The following CCDC171 variants were observed in gnomAD, a reference collection of about 807,000 sequenced individuals.
CCDC171 encodes coiled-coil domain-containing protein 171.
CCDC171 carries 177 observed loss-of-function variants against 168.2 expected under a neutral mutation model. The ratio of observed to expected loss-of-function variants is 1.05; its 90% CI spans 0.93 to 1.19. The LOEUF (loss-of-function observed/expected upper bound fraction) is 1.19, where lower values mean the gene tolerates loss of function less well. CCDC171 is among the 50% of genes most tolerant of loss of function. CCDC171 has a pLI of 0.00. For synonymous variants in CCDC171, 687 were observed against 540.8 expected, an observed-to-expected ratio of 1.27 and a Z score of -3.75; for missense variants, 1,991 against 1,539.0, an observed-to-expected ratio of 1.29 and a Z score of -4.91.
chr9:15,988,155 C>T (rs1043943980), intron 3 of CCDC171, among the ~76,000 whole-genome samples: 1 of 152,156 alleles, frequency 6.6e-6, no homozygotes, highest in Admixed American at 6.5e-5. Context: ...GTAGCATCAC[C>T]AGGATACTGT....
intron 19 of CCDC171, among the ~76,000 whole-genome samples, chr9:15,778,472 C>G (rs534940788): frequency 6.6e-6 from 1 of 151,550 alleles, no homozygotes; most frequent in Non-Finnish European, 1.5e-5. Flanking sequence ...AACCCCGCCT[C>G]TACCAAAAAT....
At chr9:16,002,839 C>A (rs2132954222) in intron 3 of CCDC171, among the ~76,000 whole-genome samples, 1 of 152,248 alleles carries the variant, frequency 6.6e-6, no homozygotes, top group African/African-American at 2.4e-5. Context: ...TGTTGAGATA[C>A]AGAAATACTG....
chr9:15,645,971 A>AT (rs1487836916), intron 7 of CCDC171, among the ~76,000 whole-genome samples: 1 of 152,166 alleles, frequency 6.6e-6, no homozygotes, highest in African/African-American at 2.4e-5. Flanking sequence ...TGAAATGAAG[A>AT]TAAAAATGTT....
chr9:16,091,284 C>T, the CCDC171 span, among the ~76,000 whole-genome samples: 2 of 152,204 alleles, frequency 1.3e-5, no homozygotes, highest in African/African-American at 4.8e-5. Context: ...TCTCCACCCT[C>T]ACCCCACACT....
intron 3 of CCDC171, among the ~76,000 whole-genome samples, chr9:15,574,389 C>T (rs1157560044): frequency 6.6e-6 from 1 of 151,992 alleles, no homozygotes; most frequent in Non-Finnish European, 1.5e-5. Context: ...GTGATCCACC[C>T]GCCTTGGCCT....
At chr9:16,058,434 C>T (rs1833878243) in intron 1 of CCDC171, among the ~76,000 whole-genome samples, 2 of 152,148 alleles carry the variant, frequency 1.3e-5, no homozygotes, top group Admixed American at 6.6e-5. Context: ...GGTATCCTCG[C>T]CGGCGTGCAC....
At chr9:15,776,880 T>G (rs189785499) in intron 18 of CCDC171, among the ~76,000 whole-genome samples, 2 of 152,352 alleles carry the variant, frequency 1.3e-5, no homozygotes, top group East Asian at 3.9e-4. Context: ...AAATAATCTT[T>G]CTGTGCTTGT....
intron 18 of CCDC171, among the ~76,000 whole-genome samples, chr9:15,759,849 T>C (rs75235062): frequency 0.011 from 1,635 of 152,312 alleles, 19 homozygotes; most frequent in South Asian, 0.038. Context: ...AATATTTAAT[T>C]ATTTGTATAT....
intron 21 of CCDC171, among the ~76,000 whole-genome samples, chr9:15,807,870 A>G (rs901919482): frequency 6.6e-6 from 1 of 151,238 alleles, no homozygotes; most frequent in African/African-American, 2.4e-5. Context: ...TTCTTGCTCC[A>G]TGGTCCAAAA....
At chr9:16,036,361 T>C (rs1833467951) in intron 8 of CCDC171, among the ~76,000 whole-genome samples, 1 of 152,176 alleles carries the variant, frequency 6.6e-6, no homozygotes, top group Non-Finnish European at 1.5e-5. Flanking sequence ...AAGAAATTTC[T>C]TGGCCGGGCA....
At chr9:15,877,534 C>CT (rs1409407209) in intron 24 of CCDC171, among the ~76,000 whole-genome samples, 1 of 152,012 alleles carries the variant, frequency 6.6e-6, no homozygotes, top group Non-Finnish European at 1.5e-5. Flanking sequence ...TTCTTATTTA[C>CT]TTTTCCATGG....
At chr9:15,815,056 A>G (rs1301795042) in intron 21 of CCDC171, among the ~76,000 whole-genome samples, 1 of 152,228 alleles carries the variant, frequency 6.6e-6, no homozygotes, top group East Asian at 1.9e-4. Flanking sequence ...AGATTTATTC[A>G]CAGTAAGAGT....
At chr9:15,865,964 A>T (rs2061768566) in intron 23 of CCDC171, among the ~76,000 whole-genome samples, 1 of 151,972 alleles carries the variant, frequency 6.6e-6, no homozygotes, top group Admixed American at 6.6e-5. Flanking sequence ...AAGAAAACTA[A>T]TGCCTGGGTG....
intron 6 of CCDC171, among the ~76,000 whole-genome samples, chr9:15,595,295 C>A (rs556990675): frequency 6.6e-6 from 1 of 152,190 alleles, no homozygotes; most frequent in Non-Finnish European, 1.5e-5. Context: ...CTATCCCTCC[C>A]CGCTCCCCTG....
intron 18 of CCDC171, among the ~76,000 whole-genome samples, chr9:15,755,989 A>G (rs2134970827): frequency 6.6e-6 from 1 of 152,362 alleles, no homozygotes; most frequent in East Asian, 1.9e-4. Context: ...ACAGATGTGA[A>G]GAGATGTGGC....
At chr9:15,908,944 G>A (rs1397013802) in intron 24 of CCDC171, among the ~76,000 whole-genome samples, 1 of 152,106 alleles carries the variant, frequency 6.6e-6, no homozygotes, top group African/African-American at 2.4e-5. Flanking sequence ...ATGAGACTTG[G>A]GTGGGGACAT....
intron 21 of CCDC171, among the ~76,000 whole-genome samples, chr9:15,823,847 TAGA>T (rs748122583): frequency 7.9e-5 from 12 of 152,140 alleles, no homozygotes; most frequent in Non-Finnish European, 1.6e-4. Context: ...CTTTGTATAT[TAGA>T]AGAAGATTTA....
intron 21 of CCDC171, among the ~76,000 whole-genome samples, chr9:15,804,978 C>G (rs1588607695): frequency 1.3e-5 from 2 of 152,102 alleles, no homozygotes; most frequent in East Asian, 3.9e-4. Flanking sequence ...CTGTTTCAGT[C>G]TTGGGAGGGT....
At chr9:15,623,468 C>CGCGCGCGT in intron 7 of CCDC171, 55 bp downstream of exon 7, 2 of 739,974 alleles carry the variant, frequency 2.7e-6, no homozygotes, top group Admixed American at 3.3e-5. Flanking sequence ...CACATATGCG[C>CGCGCGCGT]GCGCGCGCAC....
Sources: gnomAD v4.1 joint callset for allele counts (sites outside exome capture counted in the v4.1 genomes callset) on GRCh38, gnomAD v4.1.1 for gene constraint, MANE v1.5 for transcripts, NCBI Gene and HGNC (gene_info 2026-07-23, HGNC 2026-07-21) for gene names.